Variants in NAV3 observed in about 807,000 individuals in gnomAD.
NAV3 encodes the protein pore membrane and/or filament interacting like protein 1.
A neutral mutation model predicts 244.7 loss-of-function variants in NAV3; 87 were observed. The observed-to-expected ratio is 0.36, with a 90% confidence interval of 0.30 to 0.42. NAV3 has a LOEUF of 0.42. Ranked by LOEUF, NAV3 falls within the 20% of genes least tolerant of loss-of-function variation. NAV3 has a pLI of 1.00. For missense variants in NAV3, 2,663 were observed against 2,893.3 expected, an observed-to-expected ratio of 0.92 and a Z score of 1.83; for synonymous variants, 1,126 against 1,042.2, an observed-to-expected ratio of 1.08 and a Z score of -1.55.
intron 34 of NAV3, among the ~76,000 whole-genome samples, chr12:78,191,212 A>G (rs890008037): frequency 2.0e-5 from 3 of 152,158 alleles, no homozygotes; most frequent in Non-Finnish European, 4.4e-5. Flanking sequence ...AACAAAAAGT[A>G]TTAATTTTCT....
intron 9 of NAV3, among the ~76,000 whole-genome samples, chr12:78,029,953 C>A (rs916476205): frequency 2.0e-5 from 3 of 152,092 alleles, no homozygotes; most frequent in Non-Finnish European, 2.9e-5. Flanking sequence ...ATAGAGACAC[C>A]TTTGATTTCT....
Position 77,865,956 on chromosome 12 carries a change from A to G in NAV3, c.243+34252A>G, listed in dbSNP as rs532558421. ...CATGACAAAAGAGCCTGCTGCTCTT[A>G]TAATGTTACCCATTGACCTCACATT... On this transcript the variant is annotated intron_variant, in intron 1 of 39. Transcript: ENST00000397909. Among the ~76,000 whole-genome samples, 208 of 151,580 alleles carry G rather than the reference A, an allele frequency of 1.4e-3. 1 individual carries two copies. The highest frequency in any genetic ancestry group is 4.8e-3 in the African/African-American group (198 of 41,434).
intron 3 of NAV3, among the ~76,000 whole-genome samples, chr12:77,945,468 G>A (rs1890251432): frequency 6.6e-6 from 1 of 152,134 alleles, no homozygotes; most frequent in Admixed American, 6.6e-5. Flanking sequence ...ATTATGGCCG[G>A]AACAGGGAAG....
intron 1 of NAV3, among the ~76,000 whole-genome samples, chr12:77,878,475 C>T (rs1882156165): frequency 6.6e-6 from 1 of 152,120 alleles, no homozygotes; most frequent in East Asian, 1.9e-4. Context: ...CTGATCTGCC[C>T]ATCTCGGCCT....
intron 5 of NAV3, among the ~76,000 whole-genome samples, chr12:77,972,695 T>C (rs1829258223): frequency 6.6e-6 from 1 of 152,198 alleles, no homozygotes. Flanking sequence ...GGTATCATAG[T>C]TATTTTCCAC....
At chr12:77,732,567 G>A (rs1877170106) in intron 2 of NAV3, among the ~76,000 whole-genome samples, 1 of 151,934 alleles carries the variant, frequency 6.6e-6, no homozygotes, top group African/African-American at 2.4e-5. Context: ...TTTACTGAGA[G>A]GTTATTGCTG....
chr12:78,195,971 C>T (rs1959169895), intron 34 of NAV3, among the ~76,000 whole-genome samples: 1 of 152,036 alleles, frequency 6.6e-6, no homozygotes, highest in African/African-American at 2.4e-5. Context: ...CCTACTTAAA[C>T]TCCATTGATA....
intron 12 of NAV3, among the ~76,000 whole-genome samples, chr12:78,094,461 T>C (rs1954124454): frequency 6.6e-6 from 1 of 152,180 alleles, no homozygotes; most frequent in Admixed American, 6.5e-5. Flanking sequence ...AGCCAAAAAA[T>C]TGTACTTTGT....
chr12:78,045,622 A>G (rs1881653236), intron 9 of NAV3, among the ~76,000 whole-genome samples: 1 of 152,048 alleles, frequency 6.6e-6, no homozygotes, highest in African/African-American at 2.4e-5. Flanking sequence ...GTGCTGCTGG[A>G]TTCAGTTTGC....
chr12:77,954,801 A>T (rs952167947), intron 3 of NAV3, among the ~76,000 whole-genome samples: 5 of 152,208 alleles, frequency 3.3e-5, no homozygotes, highest in African/African-American at 1.2e-4. Context: ...TTTTTTAAAA[A>T]ATTGGAGTGT....
intron 2 of NAV3, among the ~76,000 whole-genome samples, chr12:77,744,089 G>A (rs898146433): frequency 1.3e-5 from 2 of 151,836 alleles, no homozygotes; most frequent in Admixed American, 6.6e-5. Flanking sequence ...ATTTGGAAAT[G>A]CAAATCACTT....
chr12:77,659,563 G>T (rs1224432947), intron 2 of NAV3, among the ~76,000 whole-genome samples: 1 of 152,056 alleles, frequency 6.6e-6, no homozygotes, highest in African/African-American at 2.4e-5. Context: ...GATTCCTCAG[G>T]GATCTAGAAC....
chr12:77,596,830 C>A (rs1375074791), intron 2 of NAV3, among the ~76,000 whole-genome samples: 9 of 151,934 alleles, frequency 5.9e-5, no homozygotes, highest in African/African-American at 2.2e-4. Context: ...GATGCAGAAA[C>A]CTGAACTGGG....
chr12:78,155,210 T>TCCCCACCATGTGCCCACGTGTTCTC (rs1957255740), intron 22 of NAV3, among the ~76,000 whole-genome samples: 1 of 152,038 alleles, frequency 6.6e-6, no homozygotes, highest in Non-Finnish European at 1.5e-5. Flanking sequence ...TGTGTGTTGT[T>TCCCCACCATGTGCCCACGTGTTCTC]CCCCACCATG....
Position 78,118,114 on chromosome 12 carries a change from A to C in NAV3, c.2857A>C (p.Ser953Arg), listed in dbSNP as rs555331683. The C allele has an allele frequency of 1.2e-6, 2 of 1,614,114 alleles. No homozygotes were observed. Among genetic ancestry groups the C allele is most frequent in the Admixed American group, 3.3e-5 (2 of 60,018 alleles). ...ELKKPEEDFD[S>R]HGDAGGKWKT... ...GAAAAAACCAGAAGAAGATTTTGAC[A>C]GCCATGGGGATGCTGGTGGCAAGTG... Residue 953 changes from serine to arginine, a missense_variant, in exon 14 of 40, where the codon AGC becomes CGC. This residue lies in a region of NAV3 where 1,521 missense variants were observed against 1,497.0 expected (regional missense o/e 1.02). Coordinates refer to ENST00000397909, the MANE Select transcript of NAV3 (RefSeq NM_001024383.2).
At chr12:77,754,306 T>A (rs1385902954) in intron 2 of NAV3, among the ~76,000 whole-genome samples, 1 of 152,106 alleles carries the variant, frequency 6.6e-6, no homozygotes, top group Non-Finnish European at 1.5e-5. Context: ...CTAATTGGAT[T>A]ACTCACTGGC....
Position 78,006,609 on chromosome 12 carries a change from C to A in NAV3, c.1071C>A (p.Thr357=), listed in dbSNP as rs2136562166. 1 of 1,614,122 alleles carries A rather than the reference C, an allele frequency of 6.2e-7. No individual in the cohort carries two copies. ...MLTVKQSSTA[T]SPTPSSDRLK... ...CTGTAAAGCAGTCAAGTACAGCCAC[C>A]TCCCCCACACCATCTTCAGACAGAC... is the stretch of plus-strand genomic sequence containing the variant. Residue 357 remains threonine, a synonymous_variant, in exon 8 of 40, where the codon ACC becomes ACA. Transcript: ENST00000397909.
rs769553773 is a variant in NAV3 at position 77,998,317 on chromosome 12, T to A, written c.741-20T>A. ...TTTGTAATGTACAATAATGATGTAA[T>A]TTTTCTTATACTATTTCAGGCTTCC... On this transcript the variant is annotated intron_variant, in intron 6 of 39. Transcript: ENST00000397909. 1 of 1,537,976 alleles carries A rather than the reference T, an allele frequency of 6.5e-7. No homozygotes were observed. The highest frequency in any genetic ancestry group is 8.7e-7 in the Non-Finnish European group (1 of 1,148,648).
intron 5 of NAV3, among the ~76,000 whole-genome samples, chr12:77,991,523 G>A (rs2136359873): frequency 6.6e-6 from 1 of 152,286 alleles, no homozygotes; most frequent in South Asian, 2.1e-4. Flanking sequence ...TATGTGTCTA[G>A]AAGGTGATAA....
Sources: allele counts gnomAD v4.1 joint callset (sites outside exome capture counted in the v4.1 genomes callset), GRCh38; gene constraint gnomAD v4.1.1; regional missense constraint gnomAD v4.1.1; transcripts MANE v1.5; gene names NCBI Gene and HGNC (gene_info 2026-07-23, HGNC 2026-07-21).